Variants in TDRD10 observed in about 807,000 individuals in gnomAD.
The protein encoded by TDRD10 is tudor domain containing 10.
In TDRD10, 40 loss-of-function variants were observed where a neutral mutation model predicts 48.0. The ratio of observed to expected loss-of-function variants is 0.83; its 90% confidence interval spans 0.65 to 1.09. The LOEUF is 1.09. Among genes scored for constraint, TDRD10 ranks in the 50% least tolerant of loss-of-function variants. The pLI, the probability that TDRD10 is intolerant of heterozygous loss-of-function variation, is 0.00. For synonymous variants in TDRD10, 162 were observed against 170.4 expected, an observed-to-expected ratio of 0.95 and a Z score of 0.38; for missense variants, 378 against 434.7, an observed-to-expected ratio of 0.87 and a Z score of 1.16.
chr1:154,547,269 G>GA, intron 11 of TDRD10, 140 bp from the exon 12 acceptor site: 2 of 787,004 alleles, frequency 2.5e-6, no homozygotes, highest in Non-Finnish European at 4.2e-6. Context: ...GATTTAGCAG[G>GA]AACTAGCAGA....
chr1:154,542,193 C>T, intron 7 of TDRD10, 127 bp downstream of exon 7: 1 of 892,670 alleles, frequency 1.1e-6, no homozygotes, highest in Non-Finnish European at 1.7e-6. Flanking sequence ...AGAAATATCC[C>T]TTTTCCCTTT....
At chr1:154,528,247 G>C (rs1294520262) in intron 6 of TDRD10, among the ~76,000 whole-genome samples, 1 of 92,370 alleles carries the variant, frequency 1.1e-5, no homozygotes, top group Admixed American at 1.4e-4. Context: ...TTTTGAGATG[G>C]AGTCTTGCTC....
chr1:154,527,394 C>T (rs1694373123), intron 6 of TDRD10, among the ~76,000 whole-genome samples: 1 of 152,120 alleles, frequency 6.6e-6, no homozygotes, highest in Non-Finnish European at 1.5e-5. Context: ...GGAAAGGATA[C>T]ACACTTCAGT....
intron 6 of TDRD10, among the ~76,000 whole-genome samples, chr1:154,528,687 A>G (rs140203458): frequency 0.016 from 2,378 of 152,092 alleles, 53 homozygotes; most frequent in African/African-American, 0.054. Context: ...GTGGTGGTGC[A>G]TGCCTGTAAT....
intron 4 of TDRD10, among the ~76,000 whole-genome samples, chr1:154,509,416 A>G (rs1416430972): frequency 6.6e-6 from 1 of 152,094 alleles, no homozygotes; most frequent in Non-Finnish European, 1.5e-5. Context: ...GTTTTATTAA[A>G]TTATTATTGT....
intron 6 of TDRD10, among the ~76,000 whole-genome samples, chr1:154,538,300 G>C (rs1419345866): frequency 6.6e-6 from 1 of 152,160 alleles, no homozygotes; most frequent in Non-Finnish European, 1.5e-5. Flanking sequence ...TGTAATCCCA[G>C]CACTTTGGGA....
intron 4 of TDRD10, among the ~76,000 whole-genome samples, chr1:154,517,894 C>T (rs1237837753): frequency 6.6e-6 from 1 of 152,202 alleles, no homozygotes; most frequent in African/African-American, 2.4e-5. Flanking sequence ...CAGGGCCACA[C>T]GGTCCTCACC....
intron 6 of TDRD10, among the ~76,000 whole-genome samples, chr1:154,535,962 A>C (rs1694898307): frequency 6.6e-6 from 1 of 152,222 alleles, no homozygotes; most frequent in Admixed American, 6.5e-5. Context: ...GGCAGGAAGA[A>C]AAATGTAAAA....
Position 154,520,037 on chromosome 1 carries a change from C to T in TDRD10, c.142-267C>T, listed in dbSNP as rs571419220. On this transcript the variant is annotated intron_variant, in intron 4 of 12. Transcript: ENST00000368482. Reference sequence around the variant, plus strand: ...GGATTAAATGACAGGCCGTGTGCGCCCATAGCCAGCTGTATGTGCAGTGAT... The same window carrying T: ...GGATTAAATGACAGGCCGTGTGCGCTCATAGCCAGCTGTATGTGCAGTGAT... Among the ~76,000 whole-genome samples the T allele has an allele frequency of 3.9e-5, 6 of 152,296 alleles. No homozygotes were observed. In the South Asian group the frequency reaches 1.2e-3, roughly 32 times the overall value.
At chr1:154,503,853 A>T (rs1286264687) in intron 1 of TDRD10, among the ~76,000 whole-genome samples, 1 of 150,898 alleles carries the variant, frequency 6.6e-6, no homozygotes, top group Non-Finnish European at 1.5e-5. Context: ...GCGTAGTGAC[A>T]TTTTTTTAAA....
intron 6 of TDRD10, among the ~76,000 whole-genome samples, chr1:154,531,927 T>G (rs1694650137): frequency 6.6e-6 from 1 of 152,196 alleles, no homozygotes; most frequent in African/African-American, 2.4e-5. Context: ...TCACAAACCC[T>G]GAGCTAGACA....
At chr1:154,529,439 A>T (rs899849212) in intron 6 of TDRD10, among the ~76,000 whole-genome samples, 2 of 151,898 alleles carry the variant, frequency 1.3e-5, no homozygotes, top group African/African-American at 4.9e-5. Context: ...TGGAAGATGT[A>T]TTGTATTGGT....
chr1:154,531,445 C>T (rs1694613407), intron 6 of TDRD10, among the ~76,000 whole-genome samples: 1 of 152,270 alleles, frequency 6.6e-6, no homozygotes, highest in East Asian at 1.9e-4. Context: ...GAGTTTCTTA[C>T]TTCTGGTGGG....
At chr1:154,531,687 T>C (rs1158609102) in intron 6 of TDRD10, among the ~76,000 whole-genome samples, 3 of 152,198 alleles carry the variant, frequency 2.0e-5, no homozygotes, top group Non-Finnish European at 2.9e-5. Context: ...GAACAAAGCT[T>C]CCACAGTGCG....
chr1:154,510,607 A>G (rs756611601), intron 4 of TDRD10, among the ~76,000 whole-genome samples: 1 of 151,482 alleles, frequency 6.6e-6, no homozygotes, highest in Admixed American at 6.6e-5. Context: ...AACAAAAACA[A>G]AAACAAAAAA....
chr1:154,524,240 C>T (rs1463599286), intron 6 of TDRD10, among the ~76,000 whole-genome samples: 1 of 152,148 alleles, frequency 6.6e-6, no homozygotes, highest in Non-Finnish European at 1.5e-5. Flanking sequence ...AGTCATAGCT[C>T]ACTGCAACCT....
chr1:154,521,300 C>G, intron 5 of TDRD10, 23 bp from the exon 6 acceptor site: 1 of 1,612,990 alleles, frequency 6.2e-7, no homozygotes, highest in Non-Finnish European at 8.5e-7. Flanking sequence ...CTCAAAGCCT[C>G]CCTCTCTCTC....
At chr1:154,504,669 T>C (rs1326909109) in intron 1 of TDRD10, among the ~76,000 whole-genome samples, 1 of 152,372 alleles carries the variant, frequency 6.6e-6, no homozygotes, top group Admixed American at 6.5e-5. Context: ...GCCATTTGTA[T>C]ATCTCCAGAG....
At chr1:154,544,231 G>T (rs1695421377) in intron 9 of TDRD10, 121 bp downstream of exon 9, 1 of 1,553,884 alleles carries the variant, frequency 6.4e-7, no homozygotes, top group Non-Finnish European at 8.7e-7. Context: ...TCTGATCCTG[G>T]GTTCAGTCTC....
Sources: gnomAD v4.1 joint callset for allele counts (sites outside exome capture counted in the v4.1 genomes callset) on GRCh38, gnomAD v4.1.1 for gene constraint, MANE v1.5 for transcripts, NCBI Gene and HGNC (gene_info 2026-07-23, HGNC 2026-07-21) for gene names.